The following GGACT variants were observed in gnomAD, a reference collection of about 807,000 sequenced individuals.
GGACT encodes the protein gamma-glutamylaminecyclotransferase.
For synonymous variants in GGACT, 118 were observed against 115.3 expected (o/e 1.02, Z -0.15); for missense variants, 241 against 233.2 (o/e 1.03, Z -0.22).
At position 100,531,756 on chromosome 13, in the gene GGACT, T is replaced by G. The variant is rs1028100732; in HGVS notation, c.*374A>C. On this transcript the variant is annotated 3_prime_UTR_variant, in exon 3 of 3. Coordinates refer to ENST00000683975, the MANE Select transcript of GGACT (RefSeq NM_001195087.2). The stretch of plus-strand genomic sequence containing the variant: ...CAGGCCAGAATCAGTATAGTAGGGC[T>G]GCTAAAATCTAGCGGCAACACCAAG... The G allele has an allele frequency of 5.3e-6, 1 of 189,126 alleles. No individual in the cohort carries two copies. Among genetic ancestry groups the G allele is most frequent in the African/African-American group, 2.3e-5 (1 of 42,880 alleles). The allele number at this position is 189,126 out of a possible 1,614,324, so 11.7% of individuals were successfully genotyped here.
chr13:100,549,383 G>A (rs1417558719), intron 2 of GGACT, among the ~76,000 whole-genome samples: 1 of 152,204 alleles, frequency 6.6e-6, no homozygotes, highest in African/African-American at 2.4e-5. Context: ...CTACCTGCTC[G>A]TCTGTCCACT....
chr13:100,548,784 C>A (rs1341810676), intron 2 of GGACT, among the ~76,000 whole-genome samples: 1 of 152,220 alleles, frequency 6.6e-6, no homozygotes, highest in East Asian at 1.9e-4. Flanking sequence ...TGGGAAGAGG[C>A]CTTCCTGGCC....
At chr13:100,550,184 G>A (rs545708352) in intron 2 of GGACT, among the ~76,000 whole-genome samples, 172 of 152,146 alleles carry the variant, frequency 1.1e-3, no homozygotes, top group Non-Finnish European at 2.0e-3. Context: ...TGTGCTGGCC[G>A]GACAGCCTGA....
chr13:100,550,969 AT>A (rs1422805371), intron 2 of GGACT, among the ~76,000 whole-genome samples: 2 of 152,190 alleles, frequency 1.3e-5, no homozygotes, highest in African/African-American at 4.8e-5. Context: ...CATTTCTCTC[AT>A]CCAAAACTAC....
intron 2 of GGACT, among the ~76,000 whole-genome samples, chr13:100,565,606 A>G (rs924224176): frequency 2.0e-5 from 3 of 152,110 alleles, no homozygotes; most frequent in African/African-American, 7.2e-5. Context: ...CTGCTTGAGC[A>G]GTGTTTTACG....
intron 2 of GGACT, among the ~76,000 whole-genome samples, chr13:100,582,423 A>G (rs906688429): frequency 3.9e-5 from 6 of 152,200 alleles, no homozygotes; most frequent in African/African-American, 1.2e-4. Context: ...TTTACATCCT[A>G]ATCCCTGGAA....
intron 2 of GGACT, among the ~76,000 whole-genome samples, chr13:100,582,277 T>C (rs1439116475): frequency 6.6e-6 from 1 of 152,148 alleles, no homozygotes; most frequent in African/African-American, 2.4e-5. Flanking sequence ...ACTTCAAAAC[T>C]TATGATGACC....
At chr13:100,547,945 A>C (rs2088623511) in intron 2 of GGACT, among the ~76,000 whole-genome samples, 1 of 152,266 alleles carries the variant, frequency 6.6e-6, no homozygotes, top group Non-Finnish European at 1.5e-5. Context: ...GCCTGCTGGA[A>C]GACGGTGCAG....
In GGACT at chr13:100,545,665, G is replaced by A. The variant is rs901075310; in HGVS notation, c.-10-13064C>T. On this transcript the variant is annotated intron_variant, in intron 2 of 2. Transcript: ENST00000683975. This position sits in a 1 kb window ranked among gnomAD's most constrained non-coding sequence, Gnocchi z 4.4. ...ATTCCCGATTTTGTCTTTGTATTTT[G>A]TAAGCAAAGCGAAGCCTGCTGGAAT... Among the ~76,000 whole-genome samples, 7 of 152,250 alleles carry A rather than the reference G, an allele frequency of 4.6e-5. No individual in the cohort carries two copies. Among genetic ancestry groups the A allele is most frequent in the African/African-American group, 1.7e-4 (7 of 41,468 alleles).
chr13:100,557,673 T>C (rs1031787387), intron 2 of GGACT, among the ~76,000 whole-genome samples: 1 of 152,192 alleles, frequency 6.6e-6, no homozygotes, highest in Non-Finnish European at 1.5e-5. Flanking sequence ...AATCTTTTGA[T>C]AGGACACAAA....
chr13:100,587,481 G>A (rs1488021502), intron 1 of GGACT, among the ~76,000 whole-genome samples: 1 of 152,162 alleles, frequency 6.6e-6, no homozygotes, highest in African/African-American at 2.4e-5. Context: ...GCTTATTCAG[G>A]GAAGTCTGGC....
At chr13:100,580,078 G>A (rs1875370420) in intron 2 of GGACT, 2 of 152,290 alleles carry the variant, frequency 1.3e-5, no homozygotes, top group African/African-American at 4.8e-5. Context: ...AAGAGCAGCA[G>A]AAACACACCT....
intron 2 of GGACT, among the ~76,000 whole-genome samples, chr13:100,568,809 A>C (rs1874989798): frequency 6.6e-6 from 1 of 152,240 alleles, no homozygotes; most frequent in Admixed American, 6.5e-5. Context: ...CAAGTTAGTT[A>C]CTTCTTACAT....
intron 2 of GGACT, among the ~76,000 whole-genome samples, chr13:100,565,694 T>C (rs1283658955): frequency 5.3e-5 from 8 of 152,046 alleles, no homozygotes; most frequent in Non-Finnish European, 8.8e-5. Flanking sequence ...TCACTGCTGC[T>C]CCCCCTCAGA....
intron 2 of GGACT, among the ~76,000 whole-genome samples, chr13:100,578,614 A>C (rs1186315736): frequency 6.6e-6 from 1 of 152,234 alleles, no homozygotes; most frequent in African/African-American, 2.4e-5. Context: ...ACCATGACTT[A>C]GACTTCGTCA....
intron 2 of GGACT, chr13:100,579,946 G>A (rs920487489): frequency 1.4e-4 from 21 of 152,268 alleles, no homozygotes; most frequent in Admixed American, 1.4e-3. Context: ...TCTGAGCACC[G>A]TTCTGCTGAT....
intron 2 of GGACT, among the ~76,000 whole-genome samples, chr13:100,580,522 G>C (rs932811567): frequency 8.5e-5 from 13 of 152,302 alleles, no homozygotes; most frequent in Non-Finnish European, 1.6e-4. Flanking sequence ...TTGATTTCTG[G>C]TTTTGGATTC....
At position 100,532,402 on chromosome 13, in the gene GGACT, C is replaced by A. The variant is rs940222540; in HGVS notation, c.190G>T (p.Glu64Ter). ...LHLPGSGRLVEGEVYAVDERM... is the reference protein window; with the variant it reads ...LHLPGSGRLV ...TCGTCTACCGCGTAGACCTCGCCCT[C>A]CACGAGGCGCCCCGAGCCGGGCAGG... is the stretch of plus-strand genomic sequence containing the variant. The change falls in exon 3 of 3, where the codon GAG becomes TAG. Residue 64 changes from glutamate to a stop codon, truncating the protein, a stop_gained. Coordinates refer to ENST00000683975, the MANE Select transcript of GGACT (RefSeq NM_001195087.2). LOFTEE classifies it low-confidence loss of function (END_TRUNC). 1 of 1,550,262 alleles carries A rather than the reference C, an allele frequency of 6.5e-7. No individual in the cohort carries two copies. The highest frequency in any genetic ancestry group is 8.7e-7 in the Non-Finnish European group (1 of 1,146,652).
chr13:100,533,276 A>G (rs2088442768), intron 2 of GGACT: 2 of 154,500 alleles, frequency 1.3e-5, no homozygotes, highest in Admixed American at 6.4e-5. Flanking sequence ...TGAGCCCAGC[A>G]CAGCCCATAC....
Sources: allele counts gnomAD v4.1 joint callset (sites outside exome capture counted in the v4.1 genomes callset), GRCh38; gene constraint gnomAD v4.1.1; non-coding constraint Gnocchi (gnomAD v3.1); transcripts MANE v1.5; gene names NCBI Gene and HGNC (gene_info 2026-07-23, HGNC 2026-07-21).